Variants in LMBR1 observed in about 807,000 individuals in gnomAD.
LMBR1 encodes the protein limb region 1 protein homolog.
In LMBR1, 52 loss-of-function variants were observed where a neutral mutation model predicts 73.9. The ratio of observed to expected loss-of-function variants is 0.70; its 90% confidence interval spans 0.56 to 0.89. LMBR1 has a LOEUF of 0.89. LMBR1 is among the 40% of genes least tolerant of loss of function. The pLI is 0.00. For synonymous variants in LMBR1, 215 were observed against 209.4 expected, an observed-to-expected ratio of 1.03 and a Z score of -0.23; for missense variants, 539 against 579.8, an observed-to-expected ratio of 0.93 and a Z score of 0.72.
chr7:156,849,797 C>T (rs969183264), intron 1 of LMBR1, among the ~76,000 whole-genome samples: 2 of 152,086 alleles, frequency 1.3e-5, no homozygotes, highest in Admixed American at 1.3e-4. Context: ...ATGGAATGTA[C>T]ACCACCAGAG....
intron 4 of LMBR1, among the ~76,000 whole-genome samples, chr7:156,800,146 G>T (rs530574248): frequency 5.3e-5 from 8 of 152,330 alleles, no homozygotes; most frequent in Admixed American, 4.6e-4. Context: ...GAAAGTGGCT[G>T]CACAAAACAA....
chr7:156,716,547 G>T (rs1813251234), intron 15 of LMBR1, among the ~76,000 whole-genome samples: 1 of 152,288 alleles, frequency 6.6e-6, no homozygotes, highest in African/African-American at 2.4e-5. Context: ...ATGGTAACTG[G>T]CTGCGATCTT....
rs1195809750 is a variant in LMBR1, at chr7:156,826,687, G to C, written c.237C>G (p.Pro79=). ...GGATTTCATTGCTGATGATTGAGAA[G>C]GGTAAAAGCAAAACAGCCCCAGCTG... ...AVSAGAVLLL[P]FSIISNEILL... The change falls in exon 4 of 17, where the codon CCC becomes CCG. Residue 79 remains proline, a synonymous_variant. Coordinates refer to ENST00000353442, the MANE Select transcript of LMBR1 (RefSeq NM_022458.4). The C allele has an allele frequency of 1.2e-6, 2 of 1,611,280 alleles. No individual in the cohort carries two copies. Among genetic ancestry groups the C allele is most frequent in the East Asian group, 2.2e-5 (1 of 44,852 alleles).
intron 8 of LMBR1, among the ~76,000 whole-genome samples, chr7:156,759,382 T>A (rs998665572): frequency 6.6e-6 from 1 of 152,228 alleles, no homozygotes; most frequent in Admixed American, 6.5e-5. Flanking sequence ...GCAGACCAGC[T>A]TCTGGTATGA....
At chr7:156,808,113 T>C (rs1211531412) in intron 4 of LMBR1, among the ~76,000 whole-genome samples, 2 of 152,188 alleles carry the variant, frequency 1.3e-5, no homozygotes, top group Non-Finnish European at 2.9e-5. Context: ...CTATAAATGT[T>C]AATTAGGTCA....
At position 156,680,397 on chromosome 7, in the gene LMBR1, A is replaced by AGAGAGAGAGG. The variant is rs1554456599; in HGVS notation, c.*3680_*3681insCCTCTCTCTC. On this transcript the variant is annotated 3_prime_UTR_variant, in exon 17 of 17. Transcript: ENST00000353442. Reference sequence around the variant, plus strand: ...GAGACAGAGAGAGAGAGAGAGAGAGAGAGAGAGTGTGTGTGTGTGTGTGTG... The same window carrying AGAGAGAGAGG: ...GAGACAGAGAGAGAGAGAGAGAGAGAGAGAGAGAGGGAGAGAGTGTGTGTGTGTGTGTGTG... 1 of 137,638 alleles carries AGAGAGAGAGG rather than the reference A, an allele frequency of 7.3e-6. No individual in the cohort carries two copies. Among genetic ancestry groups the AGAGAGAGAGG allele is most frequent in the African/African-American group, 2.9e-5 (1 of 34,084 alleles). The allele number at this position is 137,638 out of a possible 1,614,324, so 8.5% of individuals were successfully genotyped here. A position where few individuals can be genotyped will look rare whatever the true frequency, so the allele number is the denominator to read the frequency against.
intron 15 of LMBR1, among the ~76,000 whole-genome samples, chr7:156,713,824 C>A (rs892206968): frequency 2.0e-5 from 3 of 152,072 alleles, no homozygotes; most frequent in African/African-American, 7.2e-5. Flanking sequence ...ACTATATACC[C>A]AATATCATGC....
At chr7:156,761,945 C>G in intron 8 of LMBR1, among the ~76,000 whole-genome samples, 189 bp downstream of exon 8, 1 of 141,698 alleles carries the variant, frequency 7.1e-6, no homozygotes, top group East Asian at 2.0e-4. Context: ...CCACTGCACT[C>G]CAGCCTGGGC....
rs542872945 is a variant in LMBR1, at chr7:156,727,838, G to A, written c.993+92C>T. The A allele has an allele frequency of 5.9e-5, 46 of 774,712 alleles. No individual in the cohort carries two copies. In the Admixed American group the frequency reaches 1.0e-3, roughly 17 times the overall value. 48.0% of individuals were successfully genotyped at this position (774,712 alleles called of 1,614,324 possible). The stretch of plus-strand genomic sequence containing the variant: ...ACTTGAAGTATATACATGCACAAAG[G>A]TGAATGTTTTCATTTGCTTACTTGA... On this transcript the variant is annotated intron_variant, in intron 12 of 16. Transcript: ENST00000353442.
intron 4 of LMBR1, among the ~76,000 whole-genome samples, chr7:156,802,454 A>C (rs1831175129): frequency 6.6e-6 from 1 of 152,188 alleles, no homozygotes; most frequent in African/African-American, 2.4e-5. Context: ...CAATATTACA[A>C]TCCATATAGC....
intron 9 of LMBR1, chr7:156,736,518 C>T (rs1322836737): frequency 4.4e-6 from 2 of 456,682 alleles, no homozygotes; most frequent in Non-Finnish European, 4.4e-6. Flanking sequence ...TGTCTCCTCC[C>T]TCCTGAATCC....
Position 156,727,934 on chromosome 7 carries a change from G to A in LMBR1, c.989C>T (p.Thr330Ile). Residue 330 changes from threonine (T) to isoleucine (I), a missense_variant, in exon 12 of 17, where the codon ACA becomes ATA. Transcript: ENST00000353442. ...TTTTAAAGGATTTTACTTTACCCTT[G>A]TTCCTTTTGGCATTGCTGTTTCATC... ...LVDETAMPKGTRGPGIGNASL... is the reference protein window; with the variant it reads ...LVDETAMPKGIRGPGIGNASL... The A allele has an allele frequency of 6.2e-7, 1 of 1,610,714 alleles. No individual in the cohort carries two copies. The highest frequency in any genetic ancestry group is 8.5e-7 in the Non-Finnish European group (1 of 1,177,472).
At chr7:156,696,924 T>C (rs1808405572) in intron 15 of LMBR1, among the ~76,000 whole-genome samples, 1 of 152,186 alleles carries the variant, frequency 6.6e-6, no homozygotes, top group Admixed American at 6.5e-5. Context: ...GCAAGTACCT[T>C]CTGCCTATGA....
chr7:156,849,690 T>G (rs575719387), intron 1 of LMBR1, among the ~76,000 whole-genome samples: 3 of 152,172 alleles, frequency 2.0e-5, no homozygotes, highest in Non-Finnish European at 4.4e-5. Flanking sequence ...GAGGAAGGAA[T>G]GAACAGGCAG....
At chr7:156,701,957 C>CTTGTTCCTT (rs1809827845) in intron 15 of LMBR1, among the ~76,000 whole-genome samples, 1 of 152,164 alleles carries the variant, frequency 6.6e-6, no homozygotes, top group African/African-American at 2.4e-5. Flanking sequence ...AGGACATGAT[C>CTTGTTCCTT]TTGTTCCTTT....
chr7:156,795,613 G>A (rs377760246), intron 5 of LMBR1, among the ~76,000 whole-genome samples: 53 of 152,204 alleles, frequency 3.5e-4, no homozygotes, highest in South Asian at 3.1e-3. Context: ...GTGCAGTGAC[G>A]CAATCACAGC....
chr7:156,669,419 C>A lies in LMBR1; in HGVS notation n.867-132G>T, dbSNP rs1477953655. On this transcript the variant is annotated intron_variant and non_coding_transcript_variant, in intron 4 of 4. Coordinates refer to the LMBR1 transcript ENST00000430825. This position sits in a 1 kb window ranked among gnomAD's most constrained non-coding sequence, Gnocchi z 4.2. ...GATGTTTGAAATAAGGTGGAAATGT[C>A]TGAGGAGATGCACCCTGAACCCAAA... 2 of 152,210 alleles carry A rather than the reference C, an allele frequency of 1.3e-5. No individual in the cohort carries two copies. The highest frequency in any genetic ancestry group is 6.5e-5 in the Admixed American group (1 of 15,274). The allele number at this position is 152,210 out of a possible 1,614,324, so 9.4% of individuals were successfully genotyped here. A position where few individuals can be genotyped will look rare whatever the true frequency, so the allele number is the denominator to read the frequency against.
chr7:156,705,669 C>A (rs548327093), intron 15 of LMBR1, among the ~76,000 whole-genome samples: 4 of 152,270 alleles, frequency 2.6e-5, no homozygotes, highest in African/African-American at 9.6e-5. Context: ...TGAAAGAATT[C>A]GTCTCCACTA....
chr7:156,806,225 T>C (rs1330551093), intron 4 of LMBR1, among the ~76,000 whole-genome samples: 2 of 152,196 alleles, frequency 1.3e-5, no homozygotes, highest in Non-Finnish European at 2.9e-5. Context: ...GTATTTCGTA[T>C]TTTTGATGCT....
Sources: gnomAD v4.1 joint callset for allele counts (sites outside exome capture counted in the v4.1 genomes callset) on GRCh38, gnomAD v4.1.1 for gene constraint, Gnocchi (gnomAD v3.1) non-coding constraint, MANE v1.5 for transcripts, NCBI Gene and HGNC (gene_info 2026-07-23, HGNC 2026-07-21) for gene names.